Variants in FMN1 observed in about 807,000 individuals in gnomAD.
FMN1 encodes the protein formin 1, also known as formin-1.
FMN1 carries 110 observed loss-of-function variants against 132.4 expected under a neutral mutation model. That is an observed-to-expected ratio of 0.83 (90% CI 0.71 to 0.97). The LOEUF (loss-of-function observed/expected upper bound fraction) is 0.97, where lower values mean the gene tolerates loss of function less well. FMN1 is among the 50% of genes least tolerant of loss of function. The pLI is 0.00. For synonymous variants in FMN1, 722 were observed against 651.7 expected, an observed-to-expected ratio of 1.11 and a Z score of -1.64; for missense variants, 1,792 against 1,705.3, an observed-to-expected ratio of 1.05 and a Z score of -0.90.
At chr15:32,995,723 A>G (rs937068270) in intron 7 of FMN1, among the ~76,000 whole-genome samples, 12 of 152,246 alleles carry the variant, frequency 7.9e-5, no homozygotes, top group African/African-American at 1.4e-4. Flanking sequence ...ACATGAAATT[A>G]TAGTTTAGAA....
intron 17 of FMN1, among the ~76,000 whole-genome samples, chr15:32,856,539 T>A (rs1405840155): frequency 6.6e-6 from 1 of 152,194 alleles, no homozygotes; most frequent in Non-Finnish European, 1.5e-5. Flanking sequence ...TGGGTGACAT[T>A]CACTTGGCCC....
At chr15:32,953,851 G>A (rs147649515) in intron 9 of FMN1, among the ~76,000 whole-genome samples, 1,861 of 152,288 alleles carry the variant, frequency 0.012, 21 homozygotes, top group Non-Finnish European at 0.021. Context: ...TGTGGTTTGA[G>A]TCTGGTTTGC....
At chr15:33,070,266 A>G (rs1458182906) in intron 5 of FMN1, among the ~76,000 whole-genome samples, 4 of 151,734 alleles carry the variant, frequency 2.6e-5, no homozygotes, top group Non-Finnish European at 4.4e-5. Flanking sequence ...CGGCCTCCCA[A>G]AGTGCTAGGA....
At chr15:32,856,267 GA>G (rs1167972049) in intron 17 of FMN1, among the ~76,000 whole-genome samples, 1 of 152,140 alleles carries the variant, frequency 6.6e-6, no homozygotes. Context: ...TTCCAGCAGG[GA>G]AAAAAGCTGC....
intron 13 of FMN1, among the ~76,000 whole-genome samples, chr15:32,901,638 A>T (rs2060298823): frequency 6.6e-6 from 1 of 152,200 alleles, no homozygotes; most frequent in African/African-American, 2.4e-5. Context: ...AGTGGCCAGT[A>T]TGTACTTTGG....
chr15:32,901,992 C>G lies in FMN1; in HGVS notation c.3426G>C (p.Gln1142His). The change falls in exon 13 of 21, where the codon CAG becomes CAC. Residue 1142 changes from glutamine to histidine, a missense_variant. Around this residue, in one of 3 missense-constraint regions of FMN1, gnomAD observed 1,150 missense variants for 1,043.1 expected, o/e 1.10. Coordinates refer to ENST00000616417, the MANE Select transcript of FMN1 (RefSeq NM_001277313.2). The part of the protein sequence containing the change: ...AQIPNFAERA[Q>H]CIIFRSVFSE... ...AAAAGACAGATCTGAAGATTATGCA[C>G]TGGGCACGTTCAGCAAAATTAGGAA... 6.2e-7 allele frequency: 1 copy of G among 1,613,328 alleles called. No homozygotes were observed. Among genetic ancestry groups the G allele is most frequent in the Non-Finnish European group, 8.5e-7 (1 of 1,179,484 alleles).
intron 15 of FMN1, among the ~76,000 whole-genome samples, chr15:32,895,244 G>A (rs1472876636): frequency 6.6e-6 from 1 of 151,866 alleles, no homozygotes; most frequent in Non-Finnish European, 1.5e-5. Flanking sequence ...TCGTATGCAT[G>A]TGTGAGATGC....
At chr15:33,134,827 C>A (rs1213934367) in intron 4 of FMN1, among the ~76,000 whole-genome samples, 5 of 152,172 alleles carry the variant, frequency 3.3e-5, no homozygotes, top group African/African-American at 1.2e-4. Context: ...CATGGCAAAA[C>A]CCCATCTCTA....
intron 5 of FMN1, chr15:33,066,575 G>C: frequency 6.2e-7 from 1 of 1,612,162 alleles, no homozygotes; most frequent in Admixed American, 1.7e-5. Context: ...AGCTCTTAGC[G>C]ACTCCTTCTC....
intron 17 of FMN1, among the ~76,000 whole-genome samples, chr15:32,820,589 T>A (rs912333043): frequency 1.3e-5 from 2 of 152,176 alleles, no homozygotes; most frequent in Admixed American, 1.3e-4. Flanking sequence ...CCAGAACTTC[T>A]GAGTGTCCCT....
At chr15:32,830,561 C>T (rs1176277356) in intron 17 of FMN1, among the ~76,000 whole-genome samples, 1 of 152,112 alleles carries the variant, frequency 6.6e-6, no homozygotes, top group African/African-American at 2.4e-5. Flanking sequence ...CTGTATTTCA[C>T]TGAGTACCAC....
At chr15:32,943,227 T>C (rs1198010267) in intron 9 of FMN1, among the ~76,000 whole-genome samples, 2 of 152,198 alleles carry the variant, frequency 1.3e-5, no homozygotes, top group South Asian at 2.1e-4. Flanking sequence ...GTCAGCTATA[T>C]AGAACAAGTG....
At chr15:32,994,200 A>C (rs1046819856) in intron 7 of FMN1, among the ~76,000 whole-genome samples, 1 of 124,606 alleles carries the variant, frequency 8.0e-6, no homozygotes, top group East Asian at 2.7e-4. Flanking sequence ...AAATTGTTGA[A>C]TAGAACTCAT....
chr15:33,144,637 GAAA>G (rs10606867), intron 4 of FMN1, among the ~76,000 whole-genome samples: 3,287 of 101,064 alleles, frequency 0.033, 119 homozygotes, highest in African/African-American at 0.12. Context: ...GACTCCGTCT[GAAA>G]AAAAAAAAAA....
chr15:33,119,252 C>T (rs28435877), intron 4 of FMN1, among the ~76,000 whole-genome samples: 16,120 of 152,174 alleles, frequency 0.11, 2,532 homozygotes, highest in African/African-American at 0.35. Context: ...AGCTTACCTT[C>T]CTCTGGGGTT....
At chr15:32,887,819 G>A (rs776843324) in intron 16 of FMN1, among the ~76,000 whole-genome samples, 1 of 152,140 alleles carries the variant, frequency 6.6e-6, no homozygotes, top group Non-Finnish European at 1.5e-5. Flanking sequence ...TGTAAAATGG[G>A]TTTAGTGTAG....
At chr15:32,815,981 T>G (rs2058047633) in intron 17 of FMN1, among the ~76,000 whole-genome samples, 1 of 152,242 alleles carries the variant, frequency 6.6e-6, no homozygotes, top group South Asian at 2.1e-4. Context: ...TGATAGAGCC[T>G]ACATTCGACA....
chr15:32,785,192 G>A (rs2600528), intron 19 of FMN1, among the ~76,000 whole-genome samples: 311 of 23,084 alleles, frequency 0.013, 10 homozygotes, highest in East Asian at 0.037. Context: ...GTGTGTGTGT[G>A]TGTGTGTGTA....
At chr15:32,913,004 C>G (rs1567379964) in intron 10 of FMN1, among the ~76,000 whole-genome samples, 1 of 152,116 alleles carries the variant, frequency 6.6e-6, no homozygotes, top group Non-Finnish European at 1.5e-5. Flanking sequence ...ATGCCTTATC[C>G]CCTTTAACAT....
Sources: allele counts gnomAD v4.1 joint callset (sites outside exome capture counted in the v4.1 genomes callset), GRCh38; gene constraint gnomAD v4.1.1; regional missense constraint gnomAD v4.1.1; transcripts MANE v1.5; gene names NCBI Gene and HGNC (gene_info 2026-07-23, HGNC 2026-07-21).